The following GPM6A variants were observed in gnomAD, a reference collection of about 807,000 sequenced individuals.
GPM6A encodes the protein glycoprotein M6A.
A neutral mutation model predicts 32.1 loss-of-function variants in GPM6A; 7 were observed. The observed-to-expected ratio is 0.22, with a 90% CI of 0.12 to 0.41. The LOEUF is 0.41. Ranked by LOEUF, GPM6A falls within the 10% of genes least tolerant of loss-of-function variation. The pLI is 1.00. For missense variants in GPM6A, 235 were observed against 347.2 expected (o/e 0.68, Z 2.57); for synonymous variants, 130 against 123.4 (o/e 1.05, Z -0.35).
chr4:175,899,158 T>C (rs1404251104), intron 1 of GPM6A, among the ~76,000 whole-genome samples: 1 of 152,230 alleles, frequency 6.6e-6, no homozygotes, highest in African/African-American at 2.4e-5. Context: ...ACAGAATTCA[T>C]GTTTCTACTA....
At chr4:175,719,138 A>G (rs1745987380) in intron 1 of GPM6A, among the ~76,000 whole-genome samples, 1 of 152,132 alleles carries the variant, frequency 6.6e-6, no homozygotes, top group African/African-American at 2.4e-5. Flanking sequence ...ATTTTTTAAG[A>G]AGCACATATT....
chr4:175,866,269 C>CA (rs1326225870), intron 1 of GPM6A, among the ~76,000 whole-genome samples: 1 of 152,132 alleles, frequency 6.6e-6, no homozygotes, highest in Admixed American at 6.5e-5. Context: ...GATGAGCCCA[C>CA]ATTAACACAT....
intron 1 of GPM6A, among the ~76,000 whole-genome samples, chr4:175,797,617 A>G (rs2111293831): frequency 6.6e-6 from 1 of 152,266 alleles, no homozygotes; most frequent in Non-Finnish European, 1.5e-5. Context: ...ATTAAAGACT[A>G]TATATCATTT....
chr4:175,754,781 T>C (rs1043770027), intron 1 of GPM6A, among the ~76,000 whole-genome samples: 10 of 152,156 alleles, frequency 6.6e-5, no homozygotes. Flanking sequence ...TTTATCTAAT[T>C]AAAATAGAGA....
intron 1 of GPM6A, among the ~76,000 whole-genome samples, chr4:175,705,649 C>A (rs1372730488): frequency 2.0e-5 from 3 of 152,064 alleles, no homozygotes; most frequent in Admixed American, 6.6e-5. Flanking sequence ...GTTGTCATAG[C>A]AACCCTGCCC....
intron 1 of GPM6A, among the ~76,000 whole-genome samples, chr4:175,802,349 A>G (rs898397264): frequency 1.3e-5 from 2 of 152,108 alleles, no homozygotes; most frequent in Admixed American, 6.5e-5. Context: ...CCAAAATTGT[A>G]GAGAGAATAT....
At chr4:175,826,484 T>A (rs1295769974) in intron 1 of GPM6A, among the ~76,000 whole-genome samples, 1 of 152,136 alleles carries the variant, frequency 6.6e-6, no homozygotes, top group African/African-American at 2.4e-5. Context: ...GTTGTTAATA[T>A]AGTAGTTTCG....
upstream of GPM6A, chr4:175,813,016 T>C (rs1241220495): frequency 1.0e-6 from 1 of 984,350 alleles, no homozygotes; most frequent in African/African-American, 1.7e-5. Flanking sequence ...AGTATAAAGC[T>C]CTAAGCCTGA....
intron 1 of GPM6A, among the ~76,000 whole-genome samples, chr4:175,834,857 G>T (rs80206270): frequency 0.012 from 1,871 of 152,294 alleles, 45 homozygotes; most frequent in African/African-American, 0.043. Context: ...GAAGCATAAA[G>T]ATTGATTACT....
chr4:175,781,921 A>G (rs1020343741), intron 1 of GPM6A, among the ~76,000 whole-genome samples: 1 of 152,162 alleles, frequency 6.6e-6, no homozygotes, highest in African/African-American at 2.4e-5. Flanking sequence ...GTGGTTTTAT[A>G]ATATAACACA....
intron 1 of GPM6A, among the ~76,000 whole-genome samples, chr4:175,838,001 G>T (rs572088831): frequency 6.6e-6 from 1 of 151,830 alleles, no homozygotes; most frequent in African/African-American, 2.4e-5. Context: ...TGCAGTCAGA[G>T]AAAACACCAA....
rs76400487 is a variant in GPM6A, at chr4:175,633,697, A to T, written c.*1208T>A. 6.6e-6 allele frequency: 1 copy of T among 152,650 alleles called. No individual in the cohort carries two copies. Among genetic ancestry groups the T allele is most frequent in the African/African-American group, 2.4e-5 (1 of 41,580 alleles). 9.5% of individuals were successfully genotyped at this position (152,650 alleles called of 1,614,324 possible). On this transcript the variant is annotated 3_prime_UTR_variant, in exon 7 of 7. Coordinates refer to ENST00000393658, the MANE Select transcript of GPM6A (RefSeq NM_201591.3). ...TGCTCTTTGTTAAAATTCCTTTGAT[A>T]CAGGTACTTTTTATAAATGAATATG...
intron 1 of GPM6A, among the ~76,000 whole-genome samples, chr4:175,705,649 C>G (rs1372730488): frequency 1.3e-5 from 2 of 152,064 alleles, no homozygotes; most frequent in African/African-American, 4.8e-5. Context: ...GTTGTCATAG[C>G]AACCCTGCCC....
intron 1 of GPM6A, among the ~76,000 whole-genome samples, chr4:175,851,240 C>A (rs919751686): frequency 6.6e-6 from 1 of 150,986 alleles, no homozygotes; most frequent in Non-Finnish European, 1.5e-5. Context: ...ACCTGTAATC[C>A]CTTTGAGAGG....
chr4:175,762,019 C>T (rs919736689), intron 1 of GPM6A, among the ~76,000 whole-genome samples: 1 of 152,150 alleles, frequency 6.6e-6, no homozygotes, highest in African/African-American at 2.4e-5. Context: ...GTCTCGAACT[C>T]TTGACCTCAG....
chr4:175,937,516 A>G (rs1173348095), intron 1 of GPM6A, among the ~76,000 whole-genome samples: 1 of 152,162 alleles, frequency 6.6e-6, no homozygotes, highest in Non-Finnish European at 1.5e-5. Context: ...ACATGTACAA[A>G]TGGAGCTGAT....
In GPM6A at chr4:175,646,172, C is replaced by T. The variant is rs541239384; in HGVS notation, c.542-5343G>A. Among the ~76,000 whole-genome samples the T allele has an allele frequency of 1.2e-4, 19 of 152,288 alleles. No individual in the cohort carries two copies. In the East Asian group the frequency reaches 3.5e-3, roughly 28 times the overall value. The stretch of plus-strand genomic sequence containing the variant: ...ATTCCATCTGTGACTTCAATTCCCC[C>T]TTGACATGTCACCTAACATGGGAAT... On this transcript the variant is annotated intron_variant, in intron 4 of 6. Transcript: ENST00000393658.
chr4:175,924,952 C>G (rs191069269), intron 1 of GPM6A, among the ~76,000 whole-genome samples: 3 of 151,610 alleles, frequency 2.0e-5, no homozygotes, highest in Admixed American at 1.3e-4. Context: ...TTTGGGAAAG[C>G]TTTTTAATTT....
Position 175,795,287 on chromosome 4 carries a change from G to A in GPM6A, c.37+16904C>T, listed in dbSNP as rs1290664063. ...ACATATTGCATTTGAGGTACCTATGGCTATCTGAGGCAGGCAGCCTCTTCG... is the reference window on the plus strand; with the variant it reads ...ACATATTGCATTTGAGGTACCTATGACTATCTGAGGCAGGCAGCCTCTTCG... On this transcript the variant is annotated intron_variant, in intron 1 of 6. Transcript: ENST00000393658. 2.6e-5 allele frequency among the ~76,000 whole-genome samples: 4 copies of A among 152,174 alleles called. No individual in the cohort carries two copies. In the East Asian group the frequency reaches 7.7e-4, roughly 29 times the overall value.
Sources: gnomAD v4.1 joint callset for allele counts (sites outside exome capture counted in the v4.1 genomes callset) on GRCh38, gnomAD v4.1.1 for gene constraint, MANE v1.5 for transcripts, NCBI Gene and HGNC (gene_info 2026-07-23, HGNC 2026-07-21) for gene names.